KMT5B: variants seen among roughly 807,000 people sequenced by gnomAD.
KMT5B encodes the protein histone-lysine N-methyltransferase KMT5B.
In KMT5B, 10 loss-of-function variants were observed where a neutral mutation model predicts 83.2. The observed-to-expected ratio is 0.12, with a 90% CI of 0.07 to 0.20. The LOEUF (loss-of-function observed/expected upper bound fraction) is 0.20, where lower values mean the gene tolerates loss of function less well. Ranked by LOEUF, KMT5B falls within the 10% of genes least tolerant of loss-of-function variation. The probability of loss-of-function intolerance (pLI) is 1.00; values close to 1 mark genes in which losing one functional copy is unlikely to be tolerated. For synonymous variants in KMT5B, 349 were observed against 388.8 expected (o/e 0.90, Z 1.20); for missense variants, 753 against 1,067.2 (o/e 0.71, Z 4.10).
chr11:68,157,578 A>T lies in KMT5B; in HGVS notation c.*110T>A. On this transcript the variant is annotated 3_prime_UTR_variant, in exon 11 of 11. Coordinates refer to ENST00000304363, the MANE Select transcript of KMT5B (RefSeq NM_017635.5). ...CACTTTCTACAATAGTATGCTGATAAGTGAAGGGACAATAGAAGTGCTGCC... is the reference window on the plus strand; with the variant it reads ...CACTTTCTACAATAGTATGCTGATATGTGAAGGGACAATAGAAGTGCTGCC... 1 of 1,430,682 alleles carries T rather than the reference A, an allele frequency of 7.0e-7. No individual in the cohort carries two copies. The highest frequency in any genetic ancestry group is 9.2e-7 in the Non-Finnish European group (1 of 1,089,904). 88.6% of individuals were successfully genotyped at this position (1,430,682 alleles called of 1,614,324 possible).
upstream of KMT5B, chr11:68,213,494 C>A: frequency 6.6e-6 from 1 of 150,640 alleles, no homozygotes; most frequent in South Asian, 1.8e-4. Context: ...CGCGCACGGC[C>A]GCCCGTACGA....
intron 1 of KMT5B, among the ~76,000 whole-genome samples, chr11:68,190,428 A>T (rs1412056069): frequency 1.3e-5 from 2 of 151,998 alleles, no homozygotes; most frequent in African/African-American, 2.4e-5. Flanking sequence ...ACTTTTTTTT[A>T]AGTTAACTAT....
Position 68,157,478 on chromosome 11 carries a change from A to T in KMT5B, c.*210T>A. ...GGCTTTACCTCTAACTCAGAATTGCACGTAAGAAGGCTATTTAAAAAGTAC... is the reference window on the plus strand; with the variant it reads ...GGCTTTACCTCTAACTCAGAATTGCTCGTAAGAAGGCTATTTAAAAAGTAC... On this transcript the variant is annotated 3_prime_UTR_variant, in exon 11 of 11. Coordinates refer to ENST00000304363, the MANE Select transcript of KMT5B (RefSeq NM_017635.5). The T allele has an allele frequency of 1.6e-6, 1 of 622,394 alleles. No individual in the cohort carries two copies. Among genetic ancestry groups the T allele is most frequent in the South Asian group, 6.3e-5 (1 of 15,858 alleles). 38.6% of individuals were successfully genotyped at this position (622,394 alleles called of 1,614,324 possible). A position where few individuals can be genotyped will look rare whatever the true frequency, so the allele number is the denominator to read the frequency against.
intron 1 of KMT5B, among the ~76,000 whole-genome samples, chr11:68,203,750 C>T (rs1019678420): frequency 6.6e-6 from 1 of 152,186 alleles, no homozygotes; most frequent in Non-Finnish European, 1.5e-5. Flanking sequence ...AGTAGTTCAA[C>T]GGGGTGTTAG....
chr11:68,185,665 G>C, intron 3 of KMT5B, 116 bp downstream of exon 3: 1 of 1,064,970 alleles, frequency 9.4e-7, no homozygotes, highest in South Asian at 1.9e-5. Flanking sequence ...CCCTTCCACT[G>C]CAAAGAACTT....
intron 10 of KMT5B, chr11:68,165,953 A>G (rs1422645957): frequency 6.2e-7 from 1 of 1,612,904 alleles, no homozygotes; most frequent in Non-Finnish European, 8.5e-7. Context: ...GATTCTCTGT[A>G]GTGGAAGAGA....
At chr11:68,191,823 AGTATACATGTACTAGGTCTAC>A (rs1292310794) in intron 1 of KMT5B, among the ~76,000 whole-genome samples, 2 of 152,256 alleles carry the variant, frequency 1.3e-5, no homozygotes, top group Non-Finnish European at 2.9e-5. Context: ...AGTCTACAAT[AGTATACATGTACTAGGTCTAC>A]GCAATTACTC....
intron 1 of KMT5B, among the ~76,000 whole-genome samples, chr11:68,212,060 TTCC>T (rs1860976792): frequency 1.3e-5 from 2 of 152,078 alleles, no homozygotes; most frequent in East Asian, 1.9e-4. Flanking sequence ...TAAAAATGGT[TTCC>T]TCCTCTTTTG....
chr11:68,205,911 C>T (rs997996444), intron 1 of KMT5B, among the ~76,000 whole-genome samples: 1 of 152,096 alleles, frequency 6.6e-6, no homozygotes, highest in African/African-American at 2.4e-5. Context: ...TGAGCCACCG[C>T]GCCCGGCCAG....
chr11:68,178,989 T>G (rs1452007936), intron 4 of KMT5B, among the ~76,000 whole-genome samples: 1 of 152,208 alleles, frequency 6.6e-6, no homozygotes, highest in East Asian at 1.9e-4. Flanking sequence ...CTGAGTAGAT[T>G]GCCAATGACT....
chr11:68,155,421 G>A lies in KMT5B; in HGVS notation c.*2267C>T, dbSNP rs929448274. 1 of 152,148 alleles carries A rather than the reference G, an allele frequency of 6.6e-6. No homozygotes were observed. The allele number at this position is 152,148 out of a possible 1,614,324, so 9.4% of individuals were successfully genotyped here. A position where few individuals can be genotyped will look rare whatever the true frequency, so the allele number is the denominator to read the frequency against. ...TGGGAAGGTTGGCCTCCAAAGAGGA[G>A]GCCATGATAAAATTAAAACATCAAA... On this transcript the variant is annotated 3_prime_UTR_variant, in exon 11 of 11. Coordinates refer to ENST00000304363, the MANE Select transcript of KMT5B (RefSeq NM_017635.5).
At chr11:68,186,914 G>T (rs565578390) in intron 2 of KMT5B, among the ~76,000 whole-genome samples, 1 of 152,146 alleles carries the variant, frequency 6.6e-6, no homozygotes, top group Non-Finnish European at 1.5e-5. Flanking sequence ...TTGCATGTAG[G>T]TATGTGAAAA....
chr11:68,197,676 T>C lies in KMT5B; in HGVS notation c.-76-7524A>G, dbSNP rs150695434. On this transcript the variant is annotated intron_variant, in intron 1 of 10. Coordinates refer to ENST00000304363, the MANE Select transcript of KMT5B (RefSeq NM_017635.5). ...AATCTGTGCCCTCAGATCTCATTTA[T>C]ATTGTGATCAACTGATATTATTTGA... Among the ~76,000 whole-genome samples, 38 of 152,322 alleles carry C rather than the reference T, an allele frequency of 2.5e-4. 1 individual carries two copies. The highest frequency in any genetic ancestry group is 8.4e-4 in the African/African-American group (35 of 41,578).
At chr11:68,166,748 C>G in intron 10 of KMT5B, 1 of 1,370,964 alleles carries the variant, frequency 7.3e-7, no homozygotes, top group East Asian at 2.7e-5. Flanking sequence ...GAACTCATAT[C>G]CAGTTACCAA....
At chr11:68,162,612 C>G (rs886597196) in intron 10 of KMT5B, among the ~76,000 whole-genome samples, 11 of 152,158 alleles carry the variant, frequency 7.2e-5, no homozygotes, top group African/African-American at 2.4e-4. Context: ...ATTCTGAATT[C>G]GGCTCTCCCC....
intron 1 of KMT5B, among the ~76,000 whole-genome samples, chr11:68,194,999 A>C (rs902365874): frequency 2.6e-5 from 4 of 152,114 alleles, no homozygotes; most frequent in African/African-American, 4.8e-5. Flanking sequence ...ACACGGCAAG[A>C]CCTCATTGCT....
chr11:68,184,303 T>C (rs1463895117), intron 3 of KMT5B, among the ~76,000 whole-genome samples: 1 of 151,858 alleles, frequency 6.6e-6, no homozygotes, highest in Non-Finnish European at 1.5e-5. Flanking sequence ...ACCCAGAAGG[T>C]GGAGGTTGCA....
chr11:68,209,346 A>G (rs1160570274), intron 1 of KMT5B, among the ~76,000 whole-genome samples: 1 of 152,198 alleles, frequency 6.6e-6, no homozygotes, highest in Non-Finnish European at 1.5e-5. Flanking sequence ...TAGAGGGCGT[A>G]TGAGAGCTTC....
In KMT5B at chr11:68,204,541, C is replaced by T. The variant is rs561544853; in HGVS notation, c.-77+8597G>A. Reference sequence around the variant, plus strand: ...GCTTCCCTCCACAGCCCTGCCAACGCCTTGACTTTGGCCCAGTGAAACTGA... The same window carrying T: ...GCTTCCCTCCACAGCCCTGCCAACGTCTTGACTTTGGCCCAGTGAAACTGA... On this transcript the variant is annotated intron_variant, in intron 1 of 10. Coordinates refer to ENST00000304363, the MANE Select transcript of KMT5B (RefSeq NM_017635.5). Among the ~76,000 whole-genome samples the T allele has an allele frequency of 2.8e-4, 42 of 152,012 alleles. No individual in the cohort carries two copies. The East Asian group carries it at 7.7e-3, about 28-fold the overall frequency.
Sources: gnomAD v4.1 joint callset for allele counts (sites outside exome capture counted in the v4.1 genomes callset) on GRCh38, gnomAD v4.1.1 for gene constraint, MANE v1.5 for transcripts, NCBI Gene and HGNC (gene_info 2026-07-23, HGNC 2026-07-21) for gene names.